RREB1: variants seen among roughly 807,000 people sequenced by gnomAD.
RREB1 encodes ras-responsive element-binding protein 1.
In RREB1, 27 loss-of-function variants were observed where a neutral mutation model predicts 117.8. The ratio of observed to expected loss-of-function variants is 0.23; its 90% confidence interval spans 0.17 to 0.32. The LOEUF (loss-of-function observed/expected upper bound fraction) is 0.32. RREB1 is among the 10% of genes least tolerant of loss of function. The pLI, the probability that RREB1 is intolerant of heterozygous loss-of-function variation, is 1.00. For synonymous variants in RREB1, 1,298 were observed against 1,026.7 expected, an observed-to-expected ratio of 1.26 and a Z score of -5.05; for missense variants, 2,577 against 2,378.2, an observed-to-expected ratio of 1.08 and a Z score of -1.74.
At chr6:7,238,331 A>G (rs1001058799) in intron 10 of RREB1, among the ~76,000 whole-genome samples, 1 of 152,170 alleles carries the variant, frequency 6.6e-6, no homozygotes, top group Non-Finnish European at 1.5e-5. Context: ...TCCGCCTCCC[A>G]GGCTCAAGCA....
chr6:7,189,066 G>C (rs951316839), intron 5 of RREB1, 93 bp from the exon 6 acceptor site: 2 of 1,279,270 alleles, frequency 1.6e-6, no homozygotes, highest in Non-Finnish European at 2.1e-6. Context: ...AAGTTGATTG[G>C]TTTTTTTAAT....
intron 1 of RREB1, among the ~76,000 whole-genome samples, chr6:7,166,071 A>AC (rs1390093719): frequency 1.3e-5 from 2 of 151,554 alleles, no homozygotes; most frequent in East Asian, 3.9e-4. Context: ...GTGCAGTTAG[A>AC]CCCCCCAGGG....
At chr6:7,218,081 T>C (rs1344491786) in intron 8 of RREB1, 1 of 152,276 alleles carries the variant, frequency 6.6e-6, no homozygotes, top group East Asian at 1.9e-4. Context: ...CACCTTTATG[T>C]AACAGAACAA....
intron 12 of RREB1, 114 bp from the exon 13 acceptor site, chr6:7,248,397 G>C (rs957302190): frequency 4.7e-6 from 4 of 848,628 alleles, no homozygotes; most frequent in Admixed American, 2.4e-5. Flanking sequence ...TGAGTAGGAC[G>C]GAGTCCTGGC....
chr6:7,225,480 T>G (rs1002545625), intron 8 of RREB1, among the ~76,000 whole-genome samples: 6 of 152,190 alleles, frequency 3.9e-5, no homozygotes, highest in African/African-American at 1.4e-4. Context: ...TATCCACCCA[T>G]CTGCACACTG....
intron 1 of RREB1, among the ~76,000 whole-genome samples, chr6:7,124,568 A>C (rs1348700457): frequency 6.6e-6 from 1 of 152,090 alleles, no homozygotes; most frequent in Non-Finnish European, 1.5e-5. Flanking sequence ...GAGTACTTTT[A>C]AATAAGTTCA....
chr6:7,239,849 C>A (rs893645162), intron 10 of RREB1, among the ~76,000 whole-genome samples: 16 of 152,224 alleles, frequency 1.1e-4, no homozygotes, highest in Admixed American at 7.9e-4. Flanking sequence ...CTCGGCAAGT[C>A]AGACAGGAGT....
At chr6:7,148,131 A>G (rs1265219811) in intron 1 of RREB1, among the ~76,000 whole-genome samples, 1 of 152,154 alleles carries the variant, frequency 6.6e-6, no homozygotes, top group African/African-American at 2.4e-5. Context: ...TGTAAAATAA[A>G]GTTTTCAAAG....
intron 1 of RREB1, chr6:7,140,620 T>G (rs1411098978): frequency 2.0e-5 from 3 of 152,252 alleles, no homozygotes; most frequent in African/African-American, 7.2e-5. Context: ...ACAAAAATTA[T>G]TCTCCTCCTG....
intron 1 of RREB1, among the ~76,000 whole-genome samples, chr6:7,118,632 T>G (rs1440804046): frequency 6.6e-6 from 1 of 152,084 alleles, no homozygotes; most frequent in Middle Eastern, 3.2e-3. Flanking sequence ...CTGAATTTGA[T>G]TTGTATTTAA....
intron 6 of RREB1, among the ~76,000 whole-genome samples, chr6:7,196,235 T>G (rs1313264716): frequency 6.0e-5 from 9 of 149,228 alleles, no homozygotes; most frequent in East Asian, 3.9e-4. Context: ...TTTTTTGTTT[T>G]TTTTTTTTTT....
chr6:7,228,679 A>T (rs1581569762), intron 9 of RREB1, among the ~76,000 whole-genome samples: 1 of 148,194 alleles, frequency 6.7e-6, no homozygotes, highest in Admixed American at 6.7e-5. Context: ...TAATTTTCTT[A>T]TTTTTTTTTA....
rs545005054 is a variant in RREB1 at position 7,138,138 on chromosome 6, A to G, written c.-285+30078A>G. On this transcript the variant is annotated intron_variant, in intron 1 of 12. Transcript: ENST00000379938. ...AAAGACCTAAATCTTTCAGAAAAAA[A>G]GAAAAGAAAGAAAAAGGACAGGCAC... Among the ~76,000 whole-genome samples, 3 of 152,330 alleles carry G rather than the reference A, an allele frequency of 2.0e-5. No homozygotes were observed. In the East Asian group the frequency reaches 5.8e-4, roughly 29 times the overall value.
intron 7 of RREB1, among the ~76,000 whole-genome samples, chr6:7,211,235 A>C (rs1330914687): frequency 7.3e-6 from 1 of 137,708 alleles, no homozygotes; most frequent in Non-Finnish European, 1.5e-5. Context: ...AGCATTCGGG[A>C]CTCTTTTGTC....
At chr6:7,235,128 G>A (rs919644807) in intron 10 of RREB1, among the ~76,000 whole-genome samples, 3 of 152,172 alleles carry the variant, frequency 2.0e-5, no homozygotes, top group African/African-American at 7.2e-5. Context: ...TTCCTTTGCT[G>A]GGCTTCACTC....
chr6:7,117,388 G>GT lies in RREB1; in HGVS notation c.-285+9365dup, dbSNP rs70978941. Among the ~76,000 whole-genome samples, 568 of 63,276 alleles carry GT rather than the reference G, an allele frequency of 9.0e-3. 84 individuals carry two copies. The highest frequency in any genetic ancestry group is 0.032 in the East Asian group (31 of 974). The allele number at this position is 63,276 out of a possible 152,430, so 41.5% of individuals were successfully genotyped here. A position where few individuals can be genotyped will look rare whatever the true frequency, so the allele number is the denominator to read the frequency against. ...GGTGAACCATGTGAATAGGTTTCCT[G>GT]TTTTTTTTTTTTTTTTTTTTTTTTT... On this transcript the variant is annotated intron_variant, in intron 1 of 12. Coordinates refer to ENST00000379938, the MANE Select transcript of RREB1 (RefSeq NM_001003699.4).
intron 5 of RREB1, among the ~76,000 whole-genome samples, chr6:7,188,232 T>TGTGTGTGCGC (rs1765195103): frequency 9.2e-6 from 1 of 108,426 alleles, no homozygotes; most frequent in Non-Finnish European, 2.0e-5. Flanking sequence ...CACACGTGTG[T>TGTGTGTGCGC]GTGTGTGTGT....
chr6:7,172,884 G>A (rs933133876), intron 1 of RREB1, among the ~76,000 whole-genome samples: 2 of 152,184 alleles, frequency 1.3e-5, no homozygotes, highest in South Asian at 2.1e-4. Context: ...CATGGCCCTC[G>A]TGGAACATTT....
intron 12 of RREB1, among the ~76,000 whole-genome samples, chr6:7,247,762 A>C (rs2113206374): frequency 6.6e-6 from 1 of 152,256 alleles, no homozygotes; most frequent in Non-Finnish European, 1.5e-5. Flanking sequence ...GAGTTCACCC[A>C]CCACCTGCAG....
Sources: allele counts gnomAD v4.1 joint callset (sites outside exome capture counted in the v4.1 genomes callset), GRCh38; gene constraint gnomAD v4.1.1; transcripts MANE v1.5; gene names NCBI Gene and HGNC (gene_info 2026-07-23, HGNC 2026-07-21).